The following GOLGA7 variants were observed in gnomAD, a reference collection of about 807,000 sequenced individuals.
GOLGA7 encodes the protein golgin A7, also known as golgin subfamily A member 7.
GOLGA7 carries 10 observed loss-of-function variants against 21.1 expected under a neutral mutation model. The observed-to-expected ratio is 0.47, with a 90% CI of 0.29 to 0.80. The LOEUF is 0.80. GOLGA7 is among the 30% of genes least tolerant of loss of function. The pLI is 0.08. For missense variants in GOLGA7, 114 were observed against 166.8 expected (o/e 0.68, Z 1.74); for synonymous variants, 64 against 62.6 (o/e 1.02, Z -0.10).
chr8:41,500,508 T>C (rs1325126422), intron 2 of GOLGA7, among the ~76,000 whole-genome samples: 5 of 152,196 alleles, frequency 3.3e-5, no homozygotes, highest in Admixed American at 3.3e-4. Context: ...GCCTAGTCCA[T>C]GGAATGAAGT....
chr8:41,498,768 C>CAAGTATGTA (rs1278982888), intron 2 of GOLGA7, among the ~76,000 whole-genome samples: 1 of 152,206 alleles, frequency 6.6e-6, no homozygotes, highest in Non-Finnish European at 1.5e-5. Flanking sequence ...GAGGACAATG[C>CAAGTATGTA]CTTAACCATT....
At chr8:41,495,359 A>G (rs1018528999) in intron 1 of GOLGA7, among the ~76,000 whole-genome samples, 1 of 151,612 alleles carries the variant, frequency 6.6e-6, no homozygotes, top group Non-Finnish European at 1.5e-5. Flanking sequence ...ATCTCAGTTC[A>G]CTGCAACCTC....
At chr8:41,506,469 C>T (rs1466020600) in intron 3 of GOLGA7, among the ~76,000 whole-genome samples, 1 of 152,088 alleles carries the variant, frequency 6.6e-6, no homozygotes, top group East Asian at 1.9e-4. Context: ...CTTTGACATA[C>T]TGTGCATATT....
At chr8:41,505,335 A>G (rs1806258853) in intron 2 of GOLGA7, among the ~76,000 whole-genome samples, 1 of 152,142 alleles carries the variant, frequency 6.6e-6, no homozygotes, top group Non-Finnish European at 1.5e-5. Flanking sequence ...TTTATCAGAA[A>G]CTCCCTGGCA....
In GOLGA7 at chr8:41,505,955, G is replaced by C. The variant is rs755913638; in HGVS notation, c.309G>C (p.Lys103Asn). ...VSKYIQEQNE[K>N]IYAPQGLLLT... ...AATACATTCAAGAGCAGAATGAGAA[G>C]ATCTATGCTCCACAAGGCCTCCTCC... Residue 103 changes from lysine to asparagine, a missense_variant, in exon 3 of 5, where the codon AAG (lysine) becomes AAC (asparagine). Physicochemically the swap from Lys to Asn is moderately conservative, Grantham distance 94. Coordinates refer to ENST00000357743, the MANE Select transcript of GOLGA7 (RefSeq NM_001002296.2). 6.2e-7 allele frequency: 1 copy of C among 1,605,132 alleles called. No individual in the cohort carries two copies. The highest frequency in any genetic ancestry group is 1.1e-5 in the South Asian group (1 of 90,312).
Position 41,490,853 on chromosome 8 carries a change from C to T in GOLGA7, c.-2C>T, listed in dbSNP as rs1281461036. On this transcript the variant is annotated 5_prime_UTR_variant, in exon 1 of 5. Coordinates refer to ENST00000357743, the MANE Select transcript of GOLGA7 (RefSeq NM_001002296.2). ...CGCAGCGCGGGGTGTCCTGTCCTCG[C>T]CATGAGGCCGCAGCAGGCGCCGGTG... 1.3e-6 allele frequency: 2 copies of T among 1,573,892 alleles called. No individual in the cohort carries two copies. Among genetic ancestry groups the T allele is most frequent in the Non-Finnish European group, 1.7e-6 (2 of 1,155,210 alleles).
chr8:41,492,317 T>A (rs1460479885), intron 1 of GOLGA7, among the ~76,000 whole-genome samples: 1 of 152,234 alleles, frequency 6.6e-6, no homozygotes, highest in Admixed American at 6.5e-5. Flanking sequence ...TACTGAATGT[T>A]GTTTTAAAAT....
chr8:41,491,017 G>C (rs749264599), intron 1 of GOLGA7, 52 bp downstream of exon 1: 9 of 1,061,130 alleles, frequency 8.5e-6, no homozygotes, highest in South Asian at 6.7e-5. Context: ...GAGACTCACC[G>C]GGGACGGGAA....
chr8:41,492,444 T>C (rs1361798678), intron 1 of GOLGA7, among the ~76,000 whole-genome samples: 1 of 152,234 alleles, frequency 6.6e-6, no homozygotes, highest in Non-Finnish European at 1.5e-5. Context: ...GGTGCATCAC[T>C]TGAGGTCGGG....
chr8:41,507,595 A>G (rs769824428), intron 4 of GOLGA7, among the ~76,000 whole-genome samples: 1 of 152,196 alleles, frequency 6.6e-6, no homozygotes, highest in Admixed American at 6.5e-5. Flanking sequence ...ACCCCTGTGG[A>G]AGAAACCTTA....
At chr8:41,492,780 C>CT (rs1563414000) in intron 1 of GOLGA7, among the ~76,000 whole-genome samples, 1 of 152,164 alleles carries the variant, frequency 6.6e-6, no homozygotes, top group Non-Finnish European at 1.5e-5. Context: ...ATAAAGTATT[C>CT]TTTTTTTACC....
rs777269118 is a variant in GOLGA7 at position 41,507,110 on chromosome 8, G to A, written c.*4G>A. On this transcript the variant is annotated 3_prime_UTR_variant, in exon 4 of 5. Coordinates refer to ENST00000357743, the MANE Select transcript of GOLGA7 (RefSeq NM_001002296.2). ...AGGCATGAGCAGTGGAAGATAAACC[G>A]AAGAATTAAAGGTAAATATGAAATG... 26 of 1,205,104 alleles carry A rather than the reference G, an allele frequency of 2.2e-5. No homozygotes were observed. The highest frequency in any genetic ancestry group is 7.4e-5 in the African/African-American group (5 of 67,150). 74.7% of individuals were successfully genotyped at this position (1,205,104 alleles called of 1,614,324 possible). A position where few individuals can be genotyped will look rare whatever the true frequency, so the allele number is the denominator to read the frequency against.
intron 1 of GOLGA7, among the ~76,000 whole-genome samples, chr8:41,492,432 C>G (rs1176626223): frequency 6.8e-6 from 1 of 147,394 alleles, no homozygotes; most frequent in Non-Finnish European, 1.5e-5. Flanking sequence ...GAGGCCGTGG[C>G]GGGTGCATCA....
intron 4 of GOLGA7, among the ~76,000 whole-genome samples, chr8:41,507,881 T>C (rs1806326292): frequency 6.6e-6 from 1 of 151,740 alleles, no homozygotes; most frequent in African/African-American, 2.4e-5. Flanking sequence ...TATCTGTCAC[T>C]AATTAATAGA....
chr8:41,496,391 T>G (rs1806014693), intron 1 of GOLGA7, among the ~76,000 whole-genome samples: 1 of 152,106 alleles, frequency 6.6e-6, no homozygotes, highest in South Asian at 2.1e-4. Flanking sequence ...CTCAAAAGTT[T>G]CAGATTTTGG....
At chr8:41,496,648 A>G (rs1032677539) in intron 1 of GOLGA7, among the ~76,000 whole-genome samples, 16 of 151,396 alleles carry the variant, frequency 1.1e-4, no homozygotes, top group African/African-American at 3.6e-4. Flanking sequence ...CTTCTGCTAA[A>G]ATGCCATTTT....
rs1337388056 is a variant in GOLGA7 at position 41,506,025 on chromosome 8, T to C, written c.366+13T>C. The C allele has an allele frequency of 7.6e-7, 1 of 1,312,032 alleles. No individual in the cohort carries two copies. Among genetic ancestry groups the C allele is most frequent in the Admixed American group, 1.9e-5 (1 of 52,772 alleles). The allele number at this position is 1,312,032 out of a possible 1,614,324, so 81.3% of individuals were successfully genotyped here. A position where few individuals can be genotyped will look rare whatever the true frequency, so the allele number is the denominator to read the frequency against. Reference sequence around the variant, plus strand: ...AGGACTGCGAGTTGTATCTTTTTAGTTCGGATCAGAAAGTCTAAATATTTA... The same window carrying C: ...AGGACTGCGAGTTGTATCTTTTTAGCTCGGATCAGAAAGTCTAAATATTTA... On this transcript the variant is annotated intron_variant, in intron 3 of 4. Transcript: ENST00000357743.
At chr8:41,495,261 C>T (rs1805981927) in intron 1 of GOLGA7, among the ~76,000 whole-genome samples, 1 of 146,880 alleles carries the variant, frequency 6.8e-6, no homozygotes, top group Admixed American at 6.8e-5. Context: ...TAGTAGGGCT[C>T]ATACTGTATG....
chr8:41,502,243 G>T (rs1477553708), intron 2 of GOLGA7, among the ~76,000 whole-genome samples: 2 of 152,152 alleles, frequency 1.3e-5, no homozygotes, highest in East Asian at 3.8e-4. Flanking sequence ...CCCTTTCCCA[G>T]TTTGTCTCTG....
Sources: gnomAD v4.1 joint callset for allele counts (sites outside exome capture counted in the v4.1 genomes callset) on GRCh38, gnomAD v4.1.1 for gene constraint, MANE v1.5 for transcripts, NCBI Gene and HGNC (gene_info 2026-07-23, HGNC 2026-07-21) for gene names.